Variants in CSNK2A1 observed in about 807,000 individuals in gnomAD.
CSNK2A1 encodes casein kinase 2 alpha 1.
A neutral mutation model predicts 62.9 loss-of-function variants in CSNK2A1; 10 were observed. The observed-to-expected ratio is 0.16, with a 90% CI of 0.10 to 0.27. The LOEUF (loss-of-function observed/expected upper bound fraction) is 0.27, where lower values mean the gene tolerates loss of function less well. CSNK2A1 is among the 10% of genes least tolerant of loss of function. The pLI is 1.00. For synonymous variants in CSNK2A1, 124 were observed against 167.8 expected (o/e 0.74, Z 2.02); for missense variants, 160 against 492.0 (o/e 0.33, Z 6.38).
At chr20:514,211 G>C (rs559805043) in intron 2 of CSNK2A1, among the ~76,000 whole-genome samples, 1 of 152,030 alleles carries the variant, frequency 6.6e-6, no homozygotes, top group South Asian at 2.1e-4. Context: ...GGGTGTAGTG[G>C]AGTACAACTG....
chr20:505,392 C>T (rs1375361816), intron 3 of CSNK2A1, among the ~76,000 whole-genome samples, 163 bp from the exon 4 acceptor site: 1 of 123,734 alleles, frequency 8.1e-6, no homozygotes, highest in Non-Finnish European at 1.6e-5. Context: ...TGGAGTCTCA[C>T]TCTGTCGCCC....
At chr20:515,767 T>C (rs1391334803) in intron 2 of CSNK2A1, among the ~76,000 whole-genome samples, 1 of 152,252 alleles carries the variant, frequency 6.6e-6, no homozygotes, top group African/African-American at 2.4e-5. Context: ...CAGTAAACAC[T>C]ATTTGGTGAT....
chr20:482,262 TC>T lies in CSNK2A1; in HGVS notation c.*1698del, dbSNP rs2017969293. 1 of 152,170 alleles carries T rather than the reference TC, an allele frequency of 6.6e-6. No individual in the cohort carries two copies. Among genetic ancestry groups the T allele is most frequent in the South Asian group, 2.1e-4 (1 of 4,822 alleles). The allele number at this position is 152,170 out of a possible 1,614,324, so 9.4% of individuals were successfully genotyped here. A position where few individuals can be genotyped will look rare whatever the true frequency, so the allele number is the denominator to read the frequency against. ...ATATGTTGGAAGAATTTTTCCTAGT[TC>T]CCACAAGCAGCTACTGTAATGAAAT... On this transcript the variant is annotated 3_prime_UTR_variant, in exon 14 of 14. Transcript: ENST00000217244.
intron 10 of CSNK2A1, 165 bp from the exon 11 acceptor site, chr20:488,943 C>A: frequency 1.8e-6 from 1 of 568,680 alleles, no homozygotes; most frequent in Non-Finnish European, 2.9e-6. Flanking sequence ...TTAGAAAAAG[C>A]AAACTACTTT....
intron 1 of CSNK2A1, among the ~76,000 whole-genome samples, chr20:529,461 T>C (rs2019166733): frequency 6.6e-6 from 1 of 152,228 alleles, no homozygotes; most frequent in African/African-American, 2.4e-5. Flanking sequence ...GTAGCCTTCT[T>C]GGTTACTTGA....
intron 2 of CSNK2A1, among the ~76,000 whole-genome samples, chr20:509,699 C>G (rs1450000435): frequency 6.6e-6 from 1 of 152,170 alleles, no homozygotes; most frequent in Non-Finnish European, 1.5e-5. Context: ...CCTCAGCCTC[C>G]CAGGTAGCTG....
chr20:532,878 A>G (rs1381104528), intron 1 of CSNK2A1, among the ~76,000 whole-genome samples: 2 of 152,220 alleles, frequency 1.3e-5, no homozygotes, highest in African/African-American at 4.8e-5. Flanking sequence ...AAACAAAAAC[A>G]ACAAAGACAA....
At chr20:486,285 G>C in intron 13 of CSNK2A1, 91 bp downstream of exon 13, 3 of 1,464,760 alleles carry the variant, frequency 2.0e-6, no homozygotes, top group Non-Finnish European at 2.8e-6. Flanking sequence ...CCAGTACGGA[G>C]AAGAGAAGGT....
rs185914053 is a variant in CSNK2A1 at position 515,782 on chromosome 20, T to C, written c.-109-7122A>G. Among the ~76,000 whole-genome samples, 450 of 152,322 alleles carry C rather than the reference T, an allele frequency of 3.0e-3. 2 individuals carry two copies. Among genetic ancestry groups the C allele is most frequent in the Non-Finnish European group, 4.9e-3 (334 of 68,016 alleles). On this transcript the variant is annotated intron_variant, in intron 2 of 13. Coordinates refer to ENST00000217244, the MANE Select transcript of CSNK2A1 (RefSeq NM_177559.3). The stretch of plus-strand genomic sequence containing the variant: ...CAGTAAACACTATTTGGTGATCAAA[T>C]TAATCTTGGTTTATTTTTTAAAAAT...
At chr20:538,788 T>G (rs1170380007) in intron 1 of CSNK2A1, among the ~76,000 whole-genome samples, 1 of 152,110 alleles carries the variant, frequency 6.6e-6, no homozygotes, top group Non-Finnish European at 1.5e-5. Flanking sequence ...AAATATGAAA[T>G]AAGCCTTAAA....
chr20:512,599 C>T (rs434410), intron 2 of CSNK2A1, among the ~76,000 whole-genome samples: 44,858 of 151,864 alleles, frequency 0.3, 7,118 homozygotes, highest in East Asian at 0.58. Flanking sequence ...ATTCCTTAAC[C>T]GTGACAAACA....
At chr20:486,836 A>C (rs1368559926) in intron 12 of CSNK2A1, 3 of 207,022 alleles carry the variant, frequency 1.4e-5, no homozygotes, top group East Asian at 2.3e-4. Context: ...AGTAGGCCAA[A>C]GCTATAGGTC....
intron 2 of CSNK2A1, among the ~76,000 whole-genome samples, chr20:508,987 T>C (rs1393722816): frequency 2.0e-5 from 3 of 152,230 alleles, no homozygotes; most frequent in African/African-American, 7.2e-5. Flanking sequence ...ACTAGTTATA[T>C]ATTCTACAAA....
At chr20:487,719 T>C in intron 11 of CSNK2A1, 144 bp from the exon 12 acceptor site, 1 of 1,073,180 alleles carries the variant, frequency 9.3e-7, no homozygotes, top group Non-Finnish European at 1.3e-6. Context: ...TGCACCGCTC[T>C]GCCACTGAGT....
In CSNK2A1 at chr20:542,266, CT is replaced by C. The variant is rs1168499462; in HGVS notation, c.-227+1405del. 2.6e-5 allele frequency among the ~76,000 whole-genome samples: 4 copies of C among 152,308 alleles called. No individual in the cohort carries two copies. In the East Asian group the frequency reaches 7.7e-4, roughly 29 times the overall value. On this transcript the variant is annotated intron_variant, in intron 1 of 13. Transcript: ENST00000217244. ...CAAGCTAGAAAATACCATCATCCCC[CT>C]TTTACAGACGGGAAAACTGAGGCTT...
At chr20:500,634 C>CTTTTTTTTTT (rs11479834) in intron 4 of CSNK2A1, 1 of 130,284 alleles carries the variant, frequency 7.7e-6, no homozygotes, top group African/African-American at 3.0e-5. Context: ...CACCAATGCT[C>CTTTTTTTTTT]TTTTTTTTTT....
At chr20:535,474 G>T (rs1380409091) in intron 1 of CSNK2A1, among the ~76,000 whole-genome samples, 1 of 152,104 alleles carries the variant, frequency 6.6e-6, no homozygotes, top group East Asian at 1.9e-4. Flanking sequence ...ACAAAACACT[G>T]GCCGGGCGCG....
At chr20:485,150 A>G (rs192072932) in intron 13 of CSNK2A1, among the ~76,000 whole-genome samples, 2 of 117,184 alleles carry the variant, frequency 1.7e-5, no homozygotes, top group African/African-American at 6.3e-5. Context: ...GAACATTATT[A>G]TACATTCTTC....
chr20:527,404 T>A (rs558696367), intron 2 of CSNK2A1, among the ~76,000 whole-genome samples: 9 of 152,344 alleles, frequency 5.9e-5, no homozygotes, highest in Admixed American at 2.0e-4. Flanking sequence ...TTCAAAACAT[T>A]TGTTTAAACT....
Sources: allele counts gnomAD v4.1 joint callset (sites outside exome capture counted in the v4.1 genomes callset), GRCh38; gene constraint gnomAD v4.1.1; transcripts MANE v1.5; gene names NCBI Gene and HGNC (gene_info 2026-07-23, HGNC 2026-07-21).